The following TMEM184A variants were observed in gnomAD, a reference collection of about 807,000 sequenced individuals.
The protein encoded by TMEM184A is transmembrane protein 184A, also known as sexually dimorphic, expressed in male gonads 1.
In TMEM184A, 40 loss-of-function variants were observed where a neutral mutation model predicts 39.5. The ratio of observed to expected loss-of-function variants is 1.01; its 90% CI spans 0.79 to 1.32. TMEM184A has a LOEUF of 1.32. Among genes scored for constraint, TMEM184A ranks in the 40% most tolerant of loss-of-function variants. The pLI is 0.00. For missense variants in TMEM184A, 603 were observed against 568.8 expected (o/e 1.06, Z -0.61); for synonymous variants, 280 against 252.3 (o/e 1.11, Z -1.04).
At chr7:1,552,380 A>G (rs750895180) in intron 2 of TMEM184A, among the ~76,000 whole-genome samples, 2 of 152,152 alleles carry the variant, frequency 1.3e-5, no homozygotes, top group Non-Finnish European at 2.9e-5. Context: ...AGTCAAACCC[A>G]TTAACGTCTC....
Position 1,548,571 on chromosome 7 carries a change from G to T in TMEM184A, c.762C>A (p.Pro254=). 2 of 1,613,794 alleles carry T rather than the reference G, an allele frequency of 1.2e-6. No individual in the cohort carries two copies. Among genetic ancestry groups the T allele is most frequent in the Non-Finnish European group, 1.7e-6 (2 of 1,179,930 alleles). ...TTRELLRPFQ[P]VLKFLTIKAV... ...CTTTGATGGTGAGGAACTTGAGGAC[G>T]GGCTGGAAGGGCCGCAGGAGCTCCC... is the stretch of plus-strand genomic sequence containing the variant. The change falls in exon 7 of 9, where the codon CCC becomes CCA. Residue 254 remains proline, a synonymous_variant. Transcript: ENST00000297477.
chr7:1,553,967 C>T (rs1028945772), intron 2 of TMEM184A, among the ~76,000 whole-genome samples: 1 of 152,140 alleles, frequency 6.6e-6, no homozygotes, highest in African/African-American at 2.4e-5. Context: ...AGCCACACTA[C>T]AGCCGCGCAC....
In TMEM184A at chr7:1,555,895, G is replaced by T. The variant is rs554525186; in HGVS notation, c.-1+219C>A. 8.6e-5 allele frequency: 23 copies of T among 268,516 alleles called. No homozygotes were observed. Among genetic ancestry groups the T allele is most frequent in the South Asian group, 7.7e-4 (22 of 28,454 alleles). The allele number at this position is 268,516 out of a possible 1,614,324, so 16.6% of individuals were successfully genotyped here. A position where few individuals can be genotyped will look rare whatever the true frequency, so the allele number is the denominator to read the frequency against. On this transcript the variant is annotated intron_variant, in intron 1 of 8. Transcript: ENST00000297477. The surrounding 1 kb of genome is among the most constrained non-coding windows in gnomAD (Gnocchi z 5.2). ...AGCACTGCCTGCCCCGGCAGGAGGG[G>T]GTGTGCAGCCACCCTCATGGGAGGA...
intron 6 of TMEM184A, chr7:1,549,642 C>T: frequency 3.0e-6 from 2 of 673,874 alleles, no homozygotes; most frequent in Non-Finnish European, 5.6e-6. Context: ...TTGGGCGGGG[C>T]CCCTAGCCCA....
intron 6 of TMEM184A, chr7:1,549,156 G>C: frequency 2.2e-6 from 1 of 460,474 alleles, no homozygotes. Flanking sequence ...CATATTGCGT[G>C]CATGTGAGTG....
At chr7:1,549,814 G>A in intron 6 of TMEM184A, 40 bp downstream of exon 6, 1 of 1,544,974 alleles carries the variant, frequency 6.5e-7, no homozygotes, top group Admixed American at 1.9e-5. Context: ...GGGACCCAGT[G>A]CCCACCTCAT....
chr7:1,549,402 C>G, intron 6 of TMEM184A: 3 of 389,768 alleles, frequency 7.7e-6, no homozygotes, highest in Non-Finnish European at 1.6e-5. Context: ...GTTCAGCCAA[C>G]AGGTCGGGGT....
Position 1,550,891 on chromosome 7 carries a change from G to T in TMEM184A, c.311C>A (p.Ser104Tyr). 2 of 1,613,880 alleles carry T rather than the reference G, an allele frequency of 1.2e-6. No individual in the cohort carries two copies. Among genetic ancestry groups the T allele is most frequent in the Non-Finnish European group, 1.7e-6 (2 of 1,179,988 alleles). Residue 104 changes from serine to tyrosine, a missense_variant, in exon 3 of 9, where the codon TCC (serine) becomes TAC (tyrosine). Coordinates refer to ENST00000297477, the MANE Select transcript of TMEM184A (RefSeq NM_001097620.2). ...TCCGAGGAGGAGGAGGCTGAGCCAG[G>T]AGTCGAAGGCGTAGATGGGCACGAT... ...LLIVPIYAFDSWLSLLLLGDH... is the reference protein window; with the variant it reads ...LLIVPIYAFDYWLSLLLLGDH...
At chr7:1,550,567 G>C (rs1381149397) in intron 3 of TMEM184A, among the ~76,000 whole-genome samples, 172 bp from the exon 4 acceptor site, 2 of 152,174 alleles carry the variant, frequency 1.3e-5, no homozygotes, top group African/African-American at 4.8e-5. Context: ...AGAGGGTCAG[G>C]GTGCTCCATC....
At chr7:1,552,942 C>T (rs1352455519) in intron 2 of TMEM184A, among the ~76,000 whole-genome samples, 2 of 152,048 alleles carry the variant, frequency 1.3e-5, no homozygotes, top group Non-Finnish European at 2.9e-5. Context: ...GCAGTCCCAG[C>T]TACTCGGGAG....
chr7:1,551,032 G>T (rs543503692), intron 2 of TMEM184A, 50 bp from the exon 3 acceptor site: 2 of 1,341,616 alleles, frequency 1.5e-6, no homozygotes, highest in South Asian at 1.2e-5. Flanking sequence ...GGTACCCCTG[G>T]ACCAGCCCAG....
Position 1,555,133 on chromosome 7 carries a change from C to T in TMEM184A, c.219+133G>A. The T allele has an allele frequency of 2.9e-6, 2 of 700,518 alleles. No individual in the cohort carries two copies. Among genetic ancestry groups the T allele is most frequent in the Non-Finnish European group, 4.5e-6 (2 of 441,264 alleles). 43.4% of individuals were successfully genotyped at this position (700,518 alleles called of 1,614,324 possible). A position where few individuals can be genotyped will look rare whatever the true frequency, so the allele number is the denominator to read the frequency against. On this transcript the variant is annotated intron_variant, in intron 2 of 8. Coordinates refer to ENST00000297477, the MANE Select transcript of TMEM184A (RefSeq NM_001097620.2). This position sits in a 1 kb window ranked among gnomAD's most constrained non-coding sequence, Gnocchi z 5.2. ...GCCACATCCTGGGGAAGCTCATCCC[C>T]TCCCCCGTGCCCTGGCCGATCCCAC... is the stretch of plus-strand genomic sequence containing the variant.
rs1213551519 is a variant in TMEM184A, at chr7:1,550,358, C to T, written c.423G>A (p.Gln141=). 1 of 1,613,006 alleles carries T rather than the reference C, an allele frequency of 6.2e-7. No homozygotes were observed. The highest frequency in any genetic ancestry group is 8.5e-7 in the Non-Finnish European group (1 of 1,179,820). ...VIYSFLSLCF[Q]YLGGEGAIMA... is the part of the protein sequence containing the mutation. ...TGATGGCGCCCTCGCCTCCCAGGTA[C>T]TGGAAACACAGGCTCAGGAAGCTGT... Residue 141 remains glutamine, a synonymous_variant, in exon 4 of 9, where the codon CAG becomes CAA. Coordinates refer to ENST00000297477, the MANE Select transcript of TMEM184A (RefSeq NM_001097620.2).
chr7:1,547,188 G>C lies in TMEM184A; in HGVS notation c.1013-7C>G. On this transcript the variant is annotated splice_polypyrimidine_tract_variant and splice_region_variant and intron_variant, in intron 8 of 8. Transcript: ENST00000297477. ...TGCATGGGTGCCGGGGGGGCTGGGG[G>C]AGGGCAGTGTATGAGCCCCACCATC... 1 of 1,543,016 alleles carries C rather than the reference G, an allele frequency of 6.5e-7. No individual in the cohort carries two copies. The highest frequency in any genetic ancestry group is 8.9e-7 in the Non-Finnish European group (1 of 1,129,304).
At position 1,547,263 on chromosome 7, in the gene TMEM184A, G is replaced by A. The variant is rs1784388068; in HGVS notation, c.1013-82C>T. 6.2e-6 allele frequency: 5 copies of A among 802,064 alleles called. No homozygotes were observed. In the South Asian group the frequency reaches 6.8e-5, roughly 11 times the overall value. 49.7% of individuals were successfully genotyped at this position (802,064 alleles called of 1,614,324 possible). A position where few individuals can be genotyped will look rare whatever the true frequency, so the allele number is the denominator to read the frequency against. On this transcript the variant is annotated intron_variant, in intron 8 of 8. Coordinates refer to ENST00000297477, the MANE Select transcript of TMEM184A (RefSeq NM_001097620.2). ...CAAGTCCCCTCCCAGGATGCCCAGG[G>A]CTGTAGCTCCTGCATGTCCAGGTCT...
At chr7:1,552,306 A>G (rs1342667600) in intron 2 of TMEM184A, among the ~76,000 whole-genome samples, 1 of 152,122 alleles carries the variant, frequency 6.6e-6, no homozygotes, top group Non-Finnish European at 1.5e-5. Context: ...TTGGCAAATC[A>G]AAATTGTATG....
At position 1,548,862 on chromosome 7, in the gene TMEM184A, G is replaced by A; in HGVS notation, c.645-174C>T. On this transcript the variant is annotated intron_variant, in intron 6 of 8. Transcript: ENST00000297477. ...CACTCCAGGGCCTGCAGGAGAGCGT[G>A]GGGAGCTGGGGGTGGCTGGGGGGCC... 3 of 820,116 alleles carry A rather than the reference G, an allele frequency of 3.7e-6. No homozygotes were observed. The East Asian group carries it at 8.0e-5, about 22-fold the overall frequency. The allele number at this position is 820,116 out of a possible 1,614,324, so 50.8% of individuals were successfully genotyped here.
chr7:1,548,371 G>A (rs59001762), intron 7 of TMEM184A, 148 bp downstream of exon 7: 45,077 of 962,992 alleles, frequency 0.047, 1,615 homozygotes, highest in Admixed American at 0.15. Flanking sequence ...CATGCCCGCA[G>A]GTTCTACCCT....
At position 1,550,956 on chromosome 7, in the gene TMEM184A, G is replaced by A. The variant is rs771939111; in HGVS notation, c.246C>T (p.Thr82=). ...TGATGTAACGTTGCTCCTGTGGCAC[G>A]GTGTAGGAGCGCAGGTGCAGATAGA... is the stretch of plus-strand genomic sequence containing the variant. ...HQIYLHLRSY[T]VPQEQRYIIR... Residue 82 remains threonine, a synonymous_variant, in exon 3 of 9, where the codon ACC becomes ACT. Transcript: ENST00000297477. 39 of 1,613,256 alleles carry A rather than the reference G, an allele frequency of 2.4e-5. No individual in the cohort carries two copies. Among genetic ancestry groups the A allele is most frequent in the South Asian group, 1.1e-4 (10 of 91,056 alleles).
Sources: gnomAD v4.1 joint callset for allele counts (sites outside exome capture counted in the v4.1 genomes callset) on GRCh38, gnomAD v4.1.1 for gene constraint, Gnocchi (gnomAD v3.1) non-coding constraint, MANE v1.5 for transcripts, NCBI Gene and HGNC (gene_info 2026-07-23, HGNC 2026-07-21) for gene names.